The following THOC1 variants were observed in gnomAD, a reference collection of about 807,000 sequenced individuals.
THOC1 encodes THO complex subunit 1.
In THOC1, 29 loss-of-function variants were observed where a neutral mutation model predicts 97.3. The ratio of observed to expected loss-of-function variants is 0.30; its 90% CI spans 0.22 to 0.41. The LOEUF (loss-of-function observed/expected upper bound fraction) is 0.41. Ranked by LOEUF, THOC1 falls within the 10% of genes least tolerant of loss-of-function variation. The pLI is 1.00. For synonymous variants in THOC1, 255 were observed against 257.0 expected (o/e 0.99, Z 0.07); for missense variants, 529 against 761.9 (o/e 0.69, Z 3.60).
chr18:247,844 C>T lies in THOC1; in HGVS notation c.786+5G>A, dbSNP rs1447511911. ...GCTTCTGATAGTCTGTCAATGGCAA[C>T]TTACCTTGAGAAAAGTTTTCCATGA... is the stretch of plus-strand genomic sequence containing the variant. On this transcript the variant is annotated splice_donor_5th_base_variant and intron_variant, in intron 10 of 20. Transcript: ENST00000261600. 7 of 1,589,018 alleles carry T rather than the reference C, an allele frequency of 4.4e-6. No individual in the cohort carries two copies. The East Asian group carries it at 1.3e-4, about 31-fold the overall frequency.
chr18:215,014 T>G lies in THOC1; in HGVS notation c.1679-93A>C. 2.8e-6 allele frequency: 3 copies of G among 1,090,186 alleles called. No homozygotes were observed. In the South Asian group the frequency reaches 4.6e-5, roughly 17 times the overall value. 67.5% of individuals were successfully genotyped at this position (1,090,186 alleles called of 1,614,324 possible). A position where few individuals can be genotyped will look rare whatever the true frequency, so the allele number is the denominator to read the frequency against. Reference sequence around the variant, plus strand: ...GCCAATAAGTTTTATTAACCACCTTTAGTAGACTTTATTTTAAAAGTAAAC... The same window carrying G: ...GCCAATAAGTTTTATTAACCACCTTGAGTAGACTTTATTTTAAAAGTAAAC... On this transcript the variant is annotated intron_variant, in intron 20 of 20. Coordinates refer to ENST00000261600, the MANE Select transcript of THOC1 (RefSeq NM_005131.3).
chr18:220,930 CTT>C (rs1482319777), intron 17 of THOC1, among the ~76,000 whole-genome samples: 2 of 152,036 alleles, frequency 1.3e-5, no homozygotes, highest in African/African-American at 4.8e-5. Flanking sequence ...GTGTCAGACT[CTT>C]ATTAGCTTGG....
intron 12 of THOC1, chr18:225,717 T>A (rs1286582066): frequency 3.8e-6 from 1 of 260,170 alleles, no homozygotes; most frequent in Non-Finnish European, 7.2e-6. Flanking sequence ...TCTGATTTGA[T>A]ATTAAGATAT....
At position 214,928 on chromosome 18, in the gene THOC1, A is replaced by G; in HGVS notation, c.1679-7T>C. On this transcript the variant is annotated splice_region_variant and splice_polypyrimidine_tract_variant and intron_variant, in intron 20 of 20. Transcript: ENST00000261600. ...TCTCGCCGAACATCAGGACCTAGAAAATGAAGAGAATATAAATTATGCGCA... is the reference window on the plus strand; with the variant it reads ...TCTCGCCGAACATCAGGACCTAGAAGATGAAGAGAATATAAATTATGCGCA... The G allele has an allele frequency of 2.5e-6, 4 of 1,612,818 alleles. No individual in the cohort carries two copies. The highest frequency in any genetic ancestry group is 3.4e-6 in the Non-Finnish European group (4 of 1,179,314).
At chr18:231,382 A>G (rs899959041) in intron 11 of THOC1, among the ~76,000 whole-genome samples, 2 of 152,216 alleles carry the variant, frequency 1.3e-5, no homozygotes, top group Non-Finnish European at 2.9e-5. Flanking sequence ...CATATAAATA[A>G]TATTCCTGGG....
In THOC1 at chr18:259,240, C is replaced by T. The variant is rs770267483; in HGVS notation, c.460G>A (p.Val154Ile). ...AAGAGCTGAATCCGTCCACAGAAGACTGTATTCTGGGATTTAGACAATCTT... is the reference window on the plus strand; with the variant it reads ...AAGAGCTGAATCCGTCCACAGAAGATTGTATTCTGGGATTTAGACAATCTT... ...LRRLSKSQNT[V>I]FCGRIQLFLA... Residue 154 changes from valine (V) to isoleucine (I), a missense_variant, in exon 7 of 21, where the codon GTC (valine) becomes ATC (isoleucine). Physicochemically the swap from Val to Ile is conservative, Grantham distance 29. Around this residue, in one of 8 missense-constraint regions of THOC1, gnomAD observed 49 missense variants for 91.7 expected, o/e 0.53. Coordinates refer to ENST00000261600, the MANE Select transcript of THOC1 (RefSeq NM_005131.3). The T allele has an allele frequency of 6.2e-7, 1 of 1,612,220 alleles. No individual in the cohort carries two copies. The highest frequency in any genetic ancestry group is 1.7e-5 in the Admixed American group (1 of 59,848).
chr18:266,796 C>T (rs1912783899), intron 1 of THOC1, among the ~76,000 whole-genome samples: 1 of 152,146 alleles, frequency 6.6e-6, no homozygotes, highest in South Asian at 2.1e-4. Context: ...CTCGGCCTCC[C>T]GAAGTACTGC....
At chr18:250,775 CTTAT>C (rs1355598449) in intron 9 of THOC1, among the ~76,000 whole-genome samples, 6 of 152,250 alleles carry the variant, frequency 3.9e-5, no homozygotes, top group African/African-American at 1.4e-4. Context: ...AGTGTTGAGT[CTTAT>C]TTAAGTGATT....
At chr18:245,027 C>T (rs1019329897) in intron 11 of THOC1, 1 of 152,110 alleles carries the variant, frequency 6.6e-6, no homozygotes, top group Admixed American at 6.5e-5. Context: ...TTAGTTGTAT[C>T]GACTGTCCTA....
chr18:219,545 T>C (rs1370133515), intron 17 of THOC1, among the ~76,000 whole-genome samples: 3 of 152,200 alleles, frequency 2.0e-5, no homozygotes, highest in Non-Finnish European at 4.4e-5. Flanking sequence ...CCCATACTTT[T>C]AGTTACAGTT....
At chr18:265,970 C>T (rs1912755207) in intron 1 of THOC1, among the ~76,000 whole-genome samples, 1 of 152,212 alleles carries the variant, frequency 6.6e-6, no homozygotes, top group Non-Finnish European at 1.5e-5. Context: ...TTTTTCATCA[C>T]TTTATATCAA....
At chr18:246,230 T>C (rs1912082041) in intron 11 of THOC1, 94 bp downstream of exon 11, 7 of 1,007,416 alleles carry the variant, frequency 6.9e-6, no homozygotes, top group Non-Finnish European at 1.0e-5. Context: ...ATAAGAAACA[T>C]TTCTATTCAG....
In THOC1 at chr18:252,631, G is replaced by A; in HGVS notation, c.604-19C>T. The A allele has an allele frequency of 6.4e-7, 1 of 1,571,898 alleles. No homozygotes were observed. Among genetic ancestry groups the A allele is most frequent in the Non-Finnish European group, 8.7e-7 (1 of 1,147,208 alleles). ...CAGTGTGCTAAATTGAAAAAAAAAT[G>A]TATAGCCTGTCATGAAGCAGTCATC... is the stretch of plus-strand genomic sequence containing the variant. On this transcript the variant is annotated intron_variant, in intron 8 of 20. Coordinates refer to ENST00000261600, the MANE Select transcript of THOC1 (RefSeq NM_005131.3).
chr18:227,916 C>T (rs556255356), intron 11 of THOC1, among the ~76,000 whole-genome samples: 1 of 151,750 alleles, frequency 6.6e-6, no homozygotes, highest in South Asian at 2.1e-4. Context: ...TATTCACTAG[C>T]AACCCCTTCC....
rs1450051858 is a variant in THOC1, at chr18:254,705, T to A, written c.521-350A>T. Among the ~76,000 whole-genome samples, 1 of 152,212 alleles carries A rather than the reference T, an allele frequency of 6.6e-6. No homozygotes were observed. ...TTCAAACTTTTTCATTATTATTATA[T>A]CTGTTATGATGATCTGTGATCAGTG... On this transcript the variant is annotated intron_variant, in intron 7 of 20. Transcript: ENST00000261600. The surrounding 1 kb of genome is among the most constrained non-coding windows in gnomAD (Gnocchi z 4.1).
At chr18:243,954 T>C (rs1911999469) in intron 11 of THOC1, among the ~76,000 whole-genome samples, 2 of 152,216 alleles carry the variant, frequency 1.3e-5, no homozygotes, top group Non-Finnish European at 2.9e-5. Context: ...CTTCCTTTTT[T>C]CTGCCATTCG....
intron 4 of THOC1, 174 bp downstream of exon 4, chr18:263,852 G>A: frequency 3.5e-6 from 2 of 572,526 alleles, no homozygotes; most frequent in Non-Finnish European, 6.3e-6. Flanking sequence ...TAATAGAGAT[G>A]AGAAATAAGA....
intron 17 of THOC1, among the ~76,000 whole-genome samples, chr18:221,810 G>C (rs748544331): frequency 1.3e-5 from 2 of 151,924 alleles, no homozygotes; most frequent in African/African-American, 2.4e-5. Flanking sequence ...GGGTTTCACC[G>C]TGTTAGCCAC....
chr18:216,638 A>C lies in THOC1; in HGVS notation c.1455-5T>G. 1 of 1,609,580 alleles carries C rather than the reference A, an allele frequency of 6.2e-7. No homozygotes were observed. Among genetic ancestry groups the C allele is most frequent in the South Asian group, 1.1e-5 (1 of 90,096 alleles). On this transcript the variant is annotated splice_polypyrimidine_tract_variant and splice_region_variant and intron_variant, in intron 18 of 20. Coordinates refer to ENST00000261600, the MANE Select transcript of THOC1 (RefSeq NM_005131.3). The stretch of plus-strand genomic sequence containing the variant: ...TAATTTGAATTGTTCACAGCCCTAT[A>C]AAAAGAGGTGTCAGGCTTGTAATTT...
Sources: allele counts gnomAD v4.1 joint callset (sites outside exome capture counted in the v4.1 genomes callset), GRCh38; gene constraint gnomAD v4.1.1; regional missense constraint gnomAD v4.1.1; non-coding constraint Gnocchi (gnomAD v3.1); transcripts MANE v1.5; gene names NCBI Gene and HGNC (gene_info 2026-07-23, HGNC 2026-07-21).